The following OCA2 variants were observed in gnomAD, a reference collection of about 807,000 sequenced individuals.
OCA2 encodes the protein OCA2 melanosomal transmembrane protein, also known as P protein.
In OCA2, 77 loss-of-function variants were observed where a neutral mutation model predicts 100.2. The ratio of observed to expected loss-of-function variants is 0.77; its 90% CI spans 0.64 to 0.93. The LOEUF (loss-of-function observed/expected upper bound fraction) is 0.93, where lower values mean the gene tolerates loss of function less well. Ranked by LOEUF, OCA2 falls within the 40% of genes least tolerant of loss-of-function variation. The pLI is 0.00. For synonymous variants in OCA2, 432 were observed against 439.2 expected, an observed-to-expected ratio of 0.98 and a Z score of 0.21; for missense variants, 1,062 against 1,089.1, an observed-to-expected ratio of 0.98 and a Z score of 0.35.
intron 2 of OCA2, among the ~76,000 whole-genome samples, chr15:28,050,708 T>C (rs2043486291): frequency 6.6e-6 from 1 of 152,126 alleles, no homozygotes; most frequent in East Asian, 1.9e-4. Context: ...TTAATCCATT[T>C]CATGATGATT....
chr15:27,803,829 T>C (rs529859840), intron 23 of OCA2, among the ~76,000 whole-genome samples: 2 of 152,258 alleles, frequency 1.3e-5, no homozygotes, highest in African/African-American at 4.8e-5. Flanking sequence ...CAATAACACA[T>C]GTTGACAAAG....
the OCA2 span, among the ~76,000 whole-genome samples, chr15:27,741,747 C>T: frequency 7.2e-5 from 11 of 152,174 alleles, no homozygotes; most frequent in East Asian, 1.9e-4. Context: ...AGGGAGGGGA[C>T]GGGGGCTTCT....
intron 19 of OCA2, among the ~76,000 whole-genome samples, chr15:27,914,716 C>T (rs2038597605): frequency 6.6e-6 from 1 of 151,966 alleles, no homozygotes; most frequent in Non-Finnish European, 1.5e-5. Context: ...TCAGTGATGA[C>T]ACAAACAAAT....
intron 23 of OCA2, among the ~76,000 whole-genome samples, chr15:27,819,962 G>A (rs2034443338): frequency 6.6e-6 from 1 of 152,098 alleles, no homozygotes. Flanking sequence ...AAATAAGGAA[G>A]GGCTCACGGA....
At chr15:27,843,873 C>T (rs988779398) in intron 23 of OCA2, among the ~76,000 whole-genome samples, 7 of 152,148 alleles carry the variant, frequency 4.6e-5, no homozygotes, top group East Asian at 3.9e-4. Flanking sequence ...GTGCAGGGAT[C>T]GCTGTCTCCA....
chr15:27,730,942 C>G, the OCA2 span, among the ~76,000 whole-genome samples: 27 of 151,722 alleles, frequency 1.8e-4, no homozygotes, highest in South Asian at 5.2e-3. Context: ...AATTCTAAAG[C>G]CTGTGTTTTC....
intron 23 of OCA2, among the ~76,000 whole-genome samples, chr15:27,828,043 G>A (rs1037733040): frequency 1.3e-5 from 2 of 152,034 alleles, no homozygotes; most frequent in African/African-American, 2.4e-5. Flanking sequence ...ATTTCATATC[G>A]TTCTTGTGAA....
chr15:27,809,307 C>T (rs193052336), intron 23 of OCA2, among the ~76,000 whole-genome samples: 2 of 152,296 alleles, frequency 1.3e-5, no homozygotes, highest in Non-Finnish European at 2.9e-5. Flanking sequence ...ATCAGCTTCT[C>T]ATCTGATAAA....
At chr15:27,795,201 C>T (rs886417393) in intron 23 of OCA2, among the ~76,000 whole-genome samples, 9 of 152,168 alleles carry the variant, frequency 5.9e-5, no homozygotes, top group African/African-American at 1.9e-4. Flanking sequence ...ATTTCCGTAG[C>T]GTCTGTGCTC....
the OCA2 span, among the ~76,000 whole-genome samples, chr15:27,748,284 G>A: frequency 6.6e-6 from 1 of 152,188 alleles, no homozygotes; most frequent in Non-Finnish European, 1.5e-5. Context: ...GCTGGGAAAT[G>A]CTCATGGTCG....
At chr15:28,045,352 A>G (rs2043317378) in intron 2 of OCA2, among the ~76,000 whole-genome samples, 1 of 152,258 alleles carries the variant, frequency 6.6e-6, no homozygotes, top group Non-Finnish European at 1.5e-5. Context: ...TCTATGGTAC[A>G]CTGTGGTTCA....
chr15:27,765,495 A>C (rs2031186820), intron 23 of OCA2, among the ~76,000 whole-genome samples: 1 of 152,180 alleles, frequency 6.6e-6, no homozygotes, highest in Admixed American at 6.5e-5. Context: ...AGATTAAGTA[A>C]ATTTCCTGAG....
intron 1 of OCA2, among the ~76,000 whole-genome samples, chr15:28,086,840 GAATC>G (rs2044783942): frequency 1.3e-5 from 2 of 152,072 alleles, no homozygotes; most frequent in African/African-American, 4.8e-5. Context: ...ACAGAGAAAA[GAATC>G]AATAAGTGGA....
At chr15:27,963,444 C>G (rs1442183199) in intron 15 of OCA2, among the ~76,000 whole-genome samples, 1 of 152,086 alleles carries the variant, frequency 6.6e-6, no homozygotes, top group Admixed American at 6.5e-5. Flanking sequence ...TATTCTCTTA[C>G]TACAGTGGAA....
At chr15:27,926,054 T>G in intron 19 of OCA2, 73 bp downstream of exon 19, 1 of 1,535,756 alleles carries the variant, frequency 6.5e-7, no homozygotes, top group Non-Finnish European at 9.0e-7. Flanking sequence ...GTAGGCTTTC[T>G]TCATTCACCA....
chr15:27,740,636 C>A, the OCA2 span, among the ~76,000 whole-genome samples: 3 of 152,128 alleles, frequency 2.0e-5, no homozygotes, highest in South Asian at 4.1e-4. Flanking sequence ...TTTCTAAGGA[C>A]CTCATGGGGA....
At chr15:28,014,739 G>T (rs1236193054) in intron 9 of OCA2, 37 bp downstream of exon 9, 3 of 1,604,850 alleles carry the variant, frequency 1.9e-6, no homozygotes, top group Non-Finnish European at 2.5e-6. Context: ...CCTGACTGTG[G>T]GCCCAGACAG....
intron 18 of OCA2, among the ~76,000 whole-genome samples, chr15:27,944,137 G>C (rs1285568169): frequency 6.6e-6 from 1 of 152,180 alleles, no homozygotes; most frequent in Non-Finnish European, 1.5e-5. Context: ...CCACATCAGA[G>C]CTCTGAAGGT....
chr15:28,042,832 G>A, intron 2 of OCA2, among the ~76,000 whole-genome samples: 1 of 152,134 alleles, frequency 6.6e-6, no homozygotes, highest in East Asian at 1.9e-4. Flanking sequence ...CTTTACAAGT[G>A]AAAAGTTTTT....
Sources: allele counts gnomAD v4.1 joint callset (sites outside exome capture counted in the v4.1 genomes callset), GRCh38; gene constraint gnomAD v4.1.1; transcripts MANE v1.5; gene names NCBI Gene and HGNC (gene_info 2026-07-23, HGNC 2026-07-21).